MBD5: variants seen among roughly 807,000 people sequenced by gnomAD.
MBD5 encodes methyl-CpG binding domain protein 5.
In MBD5, 13 loss-of-function variants were observed where a neutral mutation model predicts 117.3. That is an observed-to-expected ratio of 0.11 (90% CI 0.07 to 0.18). MBD5 has a LOEUF of 0.18. Among genes scored for constraint, MBD5 ranks in the 10% least tolerant of loss-of-function variants. MBD5 has a pLI of 1.00. For missense variants in MBD5, 1,879 were observed against 2,093.8 expected, an observed-to-expected ratio of 0.90 and a Z score of 2.00; for synonymous variants, 727 against 766.4, an observed-to-expected ratio of 0.95 and a Z score of 0.85.
At chr2:148,145,782 A>G (rs191061161) in intron 1 of MBD5, among the ~76,000 whole-genome samples, 2 of 152,310 alleles carry the variant, frequency 1.3e-5, no homozygotes, top group East Asian at 3.9e-4. Flanking sequence ...CCAGCCTTGC[A>G]TCCCAGGGAT....
chr2:148,030,444 TAAA>T (rs1365577349), intron 1 of MBD5, among the ~76,000 whole-genome samples: 1 of 152,140 alleles, frequency 6.6e-6, no homozygotes, highest in Non-Finnish European at 1.5e-5. Context: ...TTCATTTATG[TAAA>T]AAATGGACAG....
chr2:148,368,080 TG>T (rs1703753649), intron 4 of MBD5, among the ~76,000 whole-genome samples: 1 of 152,146 alleles, frequency 6.6e-6, no homozygotes, highest in South Asian at 2.1e-4. Flanking sequence ...CCACTCCAAA[TG>T]CTCGTCAGTG....
At chr2:148,475,407 G>T (rs1680931520) in intron 8 of MBD5, among the ~76,000 whole-genome samples, 1 of 151,688 alleles carries the variant, frequency 6.6e-6, no homozygotes, top group African/African-American at 2.4e-5. Flanking sequence ...TAATATCAGG[G>T]TTTCACCACT....
chr2:148,303,156 A>T (rs775218871), intron 3 of MBD5, among the ~76,000 whole-genome samples: 6 of 152,148 alleles, frequency 3.9e-5, no homozygotes, highest in African/African-American at 9.6e-5. Flanking sequence ...TCTGAATTTT[A>T]GCAAATCCAG....
At chr2:148,176,817 A>G (rs1016510530) in intron 1 of MBD5, among the ~76,000 whole-genome samples, 1 of 151,944 alleles carries the variant, frequency 6.6e-6, no homozygotes, top group Non-Finnish European at 1.5e-5. Context: ...TTTGTATTTA[A>G]ACAGAAAATT....
intron 3 of MBD5, among the ~76,000 whole-genome samples, chr2:148,276,559 C>G (rs1701118447): frequency 6.6e-6 from 1 of 152,096 alleles, no homozygotes; most frequent in Non-Finnish European, 1.5e-5. Context: ...CAAGGCCATT[C>G]ATTTACATTA....
intron 4 of MBD5, among the ~76,000 whole-genome samples, chr2:148,382,299 G>A (rs1446306137): frequency 6.6e-6 from 1 of 152,104 alleles, no homozygotes; most frequent in African/African-American, 2.4e-5. Flanking sequence ...GGCAGGGGTT[G>A]CAATCCTAGT....
At chr2:148,154,309 G>A (rs34240801) in intron 1 of MBD5, among the ~76,000 whole-genome samples, 2 of 152,020 alleles carry the variant, frequency 1.3e-5, no homozygotes, top group African/African-American at 2.4e-5. Context: ...CCAGCTGTGT[G>A]CTGGGAGAAC....
chr2:148,360,983 C>A (rs1027605575), intron 4 of MBD5, among the ~76,000 whole-genome samples: 8 of 152,198 alleles, frequency 5.3e-5, no homozygotes, highest in African/African-American at 1.9e-4. Context: ...AATCTGCTAA[C>A]TATAAAAATC....
At chr2:148,323,331 C>A (rs1318463787) in intron 3 of MBD5, among the ~76,000 whole-genome samples, 3 of 151,986 alleles carry the variant, frequency 2.0e-5, no homozygotes, top group African/African-American at 4.8e-5. Context: ...TTTATAGCAG[C>A]ATGATTTATA....
chr2:148,284,789 T>C (rs1234993354), intron 3 of MBD5, among the ~76,000 whole-genome samples: 4 of 152,244 alleles, frequency 2.6e-5, no homozygotes, highest in Non-Finnish European at 5.9e-5. Flanking sequence ...TATACTGTTC[T>C]ATCAATTTTA....
chr2:148,509,516 A>G (rs965282677), intron 12 of MBD5, among the ~76,000 whole-genome samples: 7 of 152,234 alleles, frequency 4.6e-5, no homozygotes, highest in Non-Finnish European at 1.5e-5. Flanking sequence ...CCGGAGCCTC[A>G]GGTGCGTCAG....
intron 4 of MBD5, 35 bp downstream of exon 4, chr2:148,342,371 T>A (rs1702968145): frequency 6.6e-6 from 1 of 152,050 alleles, no homozygotes; most frequent in African/African-American, 2.4e-5. Flanking sequence ...AGATTCTTCA[T>A]ACAATTATAG....
intron 1 of MBD5, among the ~76,000 whole-genome samples, chr2:148,034,877 T>C (rs1343385238): frequency 6.6e-6 from 1 of 152,208 alleles, no homozygotes; most frequent in Non-Finnish European, 1.5e-5. Flanking sequence ...ATGATAAACA[T>C]TATACCCTTT....
At chr2:148,379,158 A>T (rs1704065158) in intron 4 of MBD5, among the ~76,000 whole-genome samples, 1 of 152,132 alleles carries the variant, frequency 6.6e-6, no homozygotes, top group Admixed American at 6.5e-5. Context: ...CAGATAGTGA[A>T]AACAATATGT....
intron 3 of MBD5, among the ~76,000 whole-genome samples, chr2:148,303,207 C>T (rs1261605412): frequency 6.6e-6 from 1 of 152,078 alleles, no homozygotes; most frequent in African/African-American, 2.4e-5. Context: ...ATCAGACAAA[C>T]AATTTGGTGT....
At chr2:148,206,750 G>A (rs1699292269) in intron 2 of MBD5, among the ~76,000 whole-genome samples, 2 of 152,122 alleles carry the variant, frequency 1.3e-5, no homozygotes, top group African/African-American at 4.8e-5. Context: ...GCCAGATAAA[G>A]GTAAGCAAGG....
intron 1 of MBD5, among the ~76,000 whole-genome samples, chr2:148,058,064 C>A (rs1385244450): frequency 6.6e-6 from 1 of 151,964 alleles, no homozygotes; most frequent in Non-Finnish European, 1.5e-5. Flanking sequence ...CTTTAAACAT[C>A]GCAATGAATA....
rs758214829 is a variant in MBD5 at position 148,469,638 on chromosome 2, C to A, written c.1695C>A (p.Ile565=). 1.2e-6 allele frequency: 2 copies of A among 1,613,964 alleles called. No homozygotes were observed. The highest frequency in any genetic ancestry group is 1.7e-5 in the Admixed American group (1 of 59,996). ...PGLLGMPLNQ[I]LNQHNAASFP... ...TGCTGGGAATGCCTTTAAATCAGAT[C>A]TTGAACCAGCACAATGCTGCCTCCT... Residue 565 remains isoleucine (I), a synonymous_variant, in exon 8 of 14, where the codon ATC becomes ATA. Transcript: ENST00000642680.
Sources: allele counts gnomAD v4.1 joint callset (sites outside exome capture counted in the v4.1 genomes callset), GRCh38; gene constraint gnomAD v4.1.1; transcripts MANE v1.5; gene names NCBI Gene and HGNC (gene_info 2026-07-23, HGNC 2026-07-21).